NUBPL: variants seen among roughly 807,000 people sequenced by gnomAD.
NUBPL encodes the protein NUBP iron-sulfur cluster assembly factor, mitochondrial.
In NUBPL, 31 loss-of-function variants were observed where a neutral mutation model predicts 45.7. The observed-to-expected ratio is 0.68, with a 90% CI of 0.51 to 0.92. The LOEUF (loss-of-function observed/expected upper bound fraction) is 0.92, where lower values mean the gene tolerates loss of function less well. NUBPL is among the 40% of genes least tolerant of loss of function. The pLI, the probability that NUBPL is intolerant of heterozygous loss-of-function variation, is 0.00. For synonymous variants in NUBPL, 144 were observed against 140.9 expected, an observed-to-expected ratio of 1.02 and a Z score of -0.15; for missense variants, 401 against 398.7, an observed-to-expected ratio of 1.01 and a Z score of -0.05.
intron 4 of NUBPL, among the ~76,000 whole-genome samples, chr14:31,635,966 C>T (rs2035484260): frequency 1.3e-5 from 2 of 152,212 alleles, no homozygotes; most frequent in African/African-American, 4.8e-5. Context: ...GCTGAAGTTA[C>T]TTATCAGCTT....
intron 6 of NUBPL, among the ~76,000 whole-genome samples, chr14:31,727,015 C>T (rs937916710): frequency 1.3e-5 from 2 of 152,078 alleles, no homozygotes; most frequent in African/African-American, 4.8e-5. Flanking sequence ...CGTCACCAAA[C>T]GTTCCTTTAG....
chr14:31,610,736 C>A (rs1458505498), intron 4 of NUBPL, among the ~76,000 whole-genome samples: 1 of 151,816 alleles, frequency 6.6e-6, no homozygotes, highest in Admixed American at 6.6e-5. Context: ...TCATCATGAC[C>A]AACTGGGATT....
intron 8 of NUBPL, chr14:31,843,743 T>G (rs1481165778): frequency 6.6e-6 from 1 of 152,272 alleles, no homozygotes; most frequent in Non-Finnish European, 1.5e-5. Flanking sequence ...GCCCAGTCAC[T>G]CTGTAGCTTT....
At chr14:31,810,474 A>G (rs939128903) in intron 7 of NUBPL, among the ~76,000 whole-genome samples, 7 of 152,008 alleles carry the variant, frequency 4.6e-5, no homozygotes, top group Non-Finnish European at 1.0e-4. Flanking sequence ...TGCTTGGTAG[A>G]TCTTCCTCCA....
chr14:31,793,236 C>A (rs2039415344), intron 7 of NUBPL, among the ~76,000 whole-genome samples: 1 of 152,106 alleles, frequency 6.6e-6, no homozygotes, highest in Non-Finnish European at 1.5e-5. Context: ...TTTGTACTCA[C>A]TACTCCCACC....
intron 4 of NUBPL, among the ~76,000 whole-genome samples, chr14:31,650,458 T>A (rs963249016): frequency 1.3e-5 from 2 of 151,874 alleles, no homozygotes; most frequent in Non-Finnish European, 2.9e-5. Context: ...CCCGGCTAAT[T>A]TTTTGTATTT....
At chr14:31,774,463 T>A (rs2039063761) in intron 6 of NUBPL, among the ~76,000 whole-genome samples, 1 of 152,220 alleles carries the variant, frequency 6.6e-6, no homozygotes, top group South Asian at 2.1e-4. Context: ...GTTCCCAGAA[T>A]CTTTCAGAGT....
At chr14:31,575,081 T>TA (rs767189818) in intron 3 of NUBPL, among the ~76,000 whole-genome samples, 46 of 152,194 alleles carry the variant, frequency 3.0e-4, no homozygotes, top group Non-Finnish European at 5.3e-4. Flanking sequence ...CATGATTACA[T>TA]AATGTCTTAA....
rs529359951 is a variant in NUBPL at position 31,791,147 on chromosome 14, G to A, written c.607+3274G>A. 7.3e-5 allele frequency among the ~76,000 whole-genome samples: 11 copies of A among 150,634 alleles called. No individual in the cohort carries two copies. The South Asian group carries it at 1.5e-3, about 20-fold the overall frequency. ...AAAAAAGTTAGCTGGGAGTGGTGACGTGCACTTGTGGTCCCAGCTACTTAG... is the reference window on the plus strand; with the variant it reads ...AAAAAAGTTAGCTGGGAGTGGTGACATGCACTTGTGGTCCCAGCTACTTAG... On this transcript the variant is annotated intron_variant, in intron 7 of 10. Coordinates refer to ENST00000281081, the MANE Select transcript of NUBPL (RefSeq NM_025152.3).
intron 6 of NUBPL, among the ~76,000 whole-genome samples, chr14:31,739,324 A>G (rs1050443529): frequency 1.4e-4 from 21 of 149,964 alleles, no homozygotes; most frequent in African/African-American, 4.4e-4. Context: ...ACCTCGGATG[A>G]TCCGTCCGCC....
chr14:31,612,662 A>C (rs76955022), intron 4 of NUBPL, among the ~76,000 whole-genome samples: 1 of 148,080 alleles, frequency 6.8e-6, no homozygotes, highest in African/African-American at 2.5e-5. Flanking sequence ...TCTGTCTCAG[A>C]AAAAAAAAAG....
rs1325280759 is a variant in NUBPL at position 31,795,291 on chromosome 14, G to C, written c.607+7418G>C. On this transcript the variant is annotated intron_variant, in intron 7 of 10. Transcript: ENST00000281081. Reference sequence around the variant, plus strand: ...AAGAAAGTCATTGGTAGCTTGATGGGGATGGCATTGAATCTGTAAATTACC... The same window carrying C: ...AAGAAAGTCATTGGTAGCTTGATGGCGATGGCATTGAATCTGTAAATTACC... 4.8e-5 allele frequency among the ~76,000 whole-genome samples: 7 copies of C among 144,522 alleles called. No individual in the cohort carries two copies. In the South Asian group the frequency reaches 1.6e-3, roughly 33 times the overall value. 94.8% of individuals were successfully genotyped at this position (144,522 alleles called of 152,430 possible).
chr14:31,681,728 C>T (rs552273940), intron 6 of NUBPL, among the ~76,000 whole-genome samples: 4 of 151,958 alleles, frequency 2.6e-5, no homozygotes, highest in East Asian at 1.9e-4. Context: ...AATTCTGATA[C>T]GTTGGTGTTT....
Position 31,859,260 on chromosome 14 carries a change from A to G in NUBPL, c.*80A>G. ...AATCAGCAATGTGGTGATGGAACCTACAGAAATAATAGAAATCATAACTGT... is the reference window on the plus strand; with the variant it reads ...AATCAGCAATGTGGTGATGGAACCTGCAGAAATAATAGAAATCATAACTGT... On this transcript the variant is annotated 3_prime_UTR_variant, in exon 11 of 11. Transcript: ENST00000281081. 1 of 1,017,110 alleles carries G rather than the reference A, an allele frequency of 9.8e-7. No homozygotes were observed. Among genetic ancestry groups the G allele is most frequent in the East Asian group, 2.4e-5 (1 of 41,300 alleles). 63.0% of individuals were successfully genotyped at this position (1,017,110 alleles called of 1,614,324 possible). A position where few individuals can be genotyped will look rare whatever the true frequency, so the allele number is the denominator to read the frequency against.
chr14:31,660,626 G>T (rs774756379), intron 4 of NUBPL, among the ~76,000 whole-genome samples: 10 of 152,126 alleles, frequency 6.6e-5, no homozygotes, highest in Middle Eastern at 6.8e-3. Flanking sequence ...TTTATAAAAT[G>T]AGGTTGTATA....
At chr14:31,671,018 G>T (rs2036558241) in intron 4 of NUBPL, among the ~76,000 whole-genome samples, 1 of 152,086 alleles carries the variant, frequency 6.6e-6, no homozygotes, top group Non-Finnish European at 1.5e-5. Flanking sequence ...GAATGTCATT[G>T]GTAGATTGAT....
intron 6 of NUBPL, among the ~76,000 whole-genome samples, chr14:31,719,631 G>T (rs1272533229): frequency 6.6e-6 from 1 of 151,554 alleles, no homozygotes; most frequent in African/African-American, 2.4e-5. Flanking sequence ...ATAGGCCCCA[G>T]TGCTTTTAGG....
At chr14:31,840,508 A>T (rs1233496458) in intron 8 of NUBPL, among the ~76,000 whole-genome samples, 3 of 151,404 alleles carry the variant, frequency 2.0e-5, no homozygotes, top group African/African-American at 4.9e-5. Context: ...CAGAAGGCGG[A>T]GCTTGCAGTG....
intron 6 of NUBPL, among the ~76,000 whole-genome samples, chr14:31,740,235 T>G (rs2038253712): frequency 6.6e-6 from 1 of 152,168 alleles, no homozygotes; most frequent in African/African-American, 2.4e-5. Context: ...CCGCCTGTCT[T>G]CCAAAGTGGC....
Sources: gnomAD v4.1 joint callset for allele counts (sites outside exome capture counted in the v4.1 genomes callset) on GRCh38, gnomAD v4.1.1 for gene constraint, MANE v1.5 for transcripts, NCBI Gene and HGNC (gene_info 2026-07-23, HGNC 2026-07-21) for gene names.